HPGDS: variants seen among roughly 807,000 people sequenced by gnomAD.
HPGDS encodes GST class-sigma.
In HPGDS, 26 loss-of-function variants were observed where a neutral mutation model predicts 23.1. That is an observed-to-expected ratio of 1.13 (90% CI 0.83 to 1.56). The LOEUF (loss-of-function observed/expected upper bound fraction) is 1.56, where lower values mean the gene tolerates loss of function less well. Among genes scored for constraint, HPGDS ranks in the 40% most tolerant of loss-of-function variants. The pLI is 0.00. For missense variants in HPGDS, 268 were observed against 236.4 expected, an observed-to-expected ratio of 1.13 and a Z score of -0.88; for synonymous variants, 95 against 77.9, an observed-to-expected ratio of 1.22 and a Z score of -1.16.
chr4:94,324,804 G>A (rs181428066), intron 2 of HPGDS, among the ~76,000 whole-genome samples: 77 of 152,232 alleles, frequency 5.1e-4, no homozygotes, highest in South Asian at 2.7e-3. Context: ...TCCATTGCTC[G>A]CAAGGAGCTG....
intron 2 of HPGDS, among the ~76,000 whole-genome samples, chr4:94,333,691 T>C (rs541558935): frequency 4.6e-5 from 7 of 152,238 alleles, no homozygotes; most frequent in Non-Finnish European, 1.0e-4. Flanking sequence ...ATTCCATTTT[T>C]AGTAACAATG....
At chr4:94,336,348 G>A (rs2126046338) in intron 1 of HPGDS, among the ~76,000 whole-genome samples, 1 of 152,254 alleles carries the variant, frequency 6.6e-6, no homozygotes. Context: ...GAAATAACTG[G>A]TTGCCTATCT....
chr4:94,312,591 G>A (rs568423649), intron 3 of HPGDS, among the ~76,000 whole-genome samples: 2 of 152,314 alleles, frequency 1.3e-5, no homozygotes, highest in South Asian at 4.1e-4. Flanking sequence ...AGTGTGGTGT[G>A]GTGCTGAGAA....
intron 1 of HPGDS, among the ~76,000 whole-genome samples, chr4:94,334,922 C>A (rs868214588): frequency 2.6e-5 from 4 of 152,044 alleles, no homozygotes; most frequent in South Asian, 2.1e-4. Context: ...GTAACTACAC[C>A]CCAACCTTCA....
chr4:94,302,249 GAGA>G lies in HPGDS; in HGVS notation c.337-8_337-6del, dbSNP rs1184625215. On this transcript the variant is annotated splice_polypyrimidine_tract_variant and splice_region_variant and intron_variant, in intron 4 of 5. Coordinates refer to ENST00000295256, the MANE Select transcript of HPGDS (RefSeq NM_014485.3). ...CAGCTCATTGAACATCTGCTCCTAG[GAGA>G]AGGAGAAAATATCACTTTAAGAATA... is the stretch of plus-strand genomic sequence containing the variant. The G allele has an allele frequency of 6.3e-7, 1 of 1,592,578 alleles. No homozygotes were observed. The highest frequency in any genetic ancestry group is 1.1e-5 in the South Asian group (1 of 89,426).
At chr4:94,332,872 C>T (rs1488171860) in intron 2 of HPGDS, among the ~76,000 whole-genome samples, 1 of 152,164 alleles carries the variant, frequency 6.6e-6, no homozygotes, top group South Asian at 2.1e-4. Context: ...ATGCTTTGGC[C>T]TGCTTTTTAG....
Position 94,317,941 on chromosome 4 carries a change from A to C in HPGDS, c.158T>G (p.Ile53Ser). 1 of 1,611,284 alleles carries C rather than the reference A, an allele frequency of 6.2e-7. No individual in the cohort carries two copies. Among genetic ancestry groups the C allele is most frequent in the South Asian group, 1.1e-5 (1 of 90,422 alleles). ...AAGAGTAAGTCCATCAACTTCCAAA[A>C]TGGGGATTTTTCCAAATGGGAGAGC... The part of the protein sequence containing the change: ...KSTLPFGKIP[I>S]LEVDGLTLHQ... Residue 53 changes from isoleucine to serine, a missense_variant, in exon 3 of 6, where the codon ATT (isoleucine) becomes AGT (serine). By Grantham distance (142) the Ile-to-Ser change is moderately radical. Transcript: ENST00000295256.
intron 2 of HPGDS, among the ~76,000 whole-genome samples, chr4:94,324,804 G>T (rs181428066): frequency 1.3e-4 from 20 of 152,232 alleles, no homozygotes; most frequent in Non-Finnish European, 2.5e-4. Context: ...TCCATTGCTC[G>T]CAAGGAGCTG....
chr4:94,299,769 T>C (rs1431777179), intron 5 of HPGDS, 125 bp from the exon 6 acceptor site: 1 of 887,958 alleles, frequency 1.1e-6, no homozygotes, highest in African/African-American at 1.7e-5. Context: ...AAAAGCAGAA[T>C]GTTTATATGA....
chr4:94,329,410 T>C (rs6851841), intron 2 of HPGDS, among the ~76,000 whole-genome samples: 1,738 of 152,308 alleles, frequency 0.011, 35 homozygotes, highest in African/African-American at 0.04. Context: ...GCTCAGAGAA[T>C]AGTCTCCAAA....
intron 2 of HPGDS, among the ~76,000 whole-genome samples, chr4:94,319,108 T>C (rs1281155642): frequency 6.6e-6 from 1 of 152,208 alleles, no homozygotes; most frequent in Non-Finnish European, 1.5e-5. Context: ...GGCTAGATTA[T>C]CTGTCCAGTG....
At chr4:94,321,600 T>C (rs1279191645) in intron 2 of HPGDS, among the ~76,000 whole-genome samples, 1 of 152,234 alleles carries the variant, frequency 6.6e-6, no homozygotes, top group East Asian at 1.9e-4. Flanking sequence ...TTGTGATTTT[T>C]GTACATTGAT....
chr4:94,324,184 C>T (rs1343771752), intron 2 of HPGDS, among the ~76,000 whole-genome samples: 3 of 152,122 alleles, frequency 2.0e-5, no homozygotes, highest in Non-Finnish European at 4.4e-5. Flanking sequence ...TCTCTGGTTG[C>T]CCTTAACATT....
intron 2 of HPGDS, among the ~76,000 whole-genome samples, chr4:94,320,738 TTTTAC>T (rs1292629355): frequency 6.6e-6 from 1 of 152,224 alleles, no homozygotes; most frequent in African/African-American, 2.4e-5. Context: ...TGGTAGTTTC[TTTTAC>T]TGTGCAGAAG....
chr4:94,312,622 T>G (rs1756298728), intron 3 of HPGDS, among the ~76,000 whole-genome samples: 1 of 152,188 alleles, frequency 6.6e-6, no homozygotes, highest in African/African-American at 2.4e-5. Flanking sequence ...TCTGTTGATT[T>G]GGGGTGGAGA....
At chr4:94,342,147 T>G (rs2126048457) in intron 1 of HPGDS, among the ~76,000 whole-genome samples, 1 of 152,248 alleles carries the variant, frequency 6.6e-6, no homozygotes, top group African/African-American at 2.4e-5. Flanking sequence ...CTATTTTTTT[T>G]TTTTTTATCA....
At chr4:94,318,006 C>T (rs774936977) in intron 2 of HPGDS, 41 bp from the exon 3 acceptor site, 5 of 1,168,264 alleles carry the variant, frequency 4.3e-6, no homozygotes, top group South Asian at 3.9e-5. Context: ...CATAACAAAA[C>T]CAGAAGTTAT....
chr4:94,322,666 A>C (rs1221714861), intron 2 of HPGDS, among the ~76,000 whole-genome samples: 2 of 151,844 alleles, frequency 1.3e-5, no homozygotes, highest in South Asian at 2.1e-4. Flanking sequence ...CTTCTTTATT[A>C]GTCTTGCTAG....
At chr4:94,315,228 C>T (rs367696954) in intron 3 of HPGDS, among the ~76,000 whole-genome samples, 11 of 152,168 alleles carry the variant, frequency 7.2e-5, no homozygotes, top group Non-Finnish European at 5.9e-5. Flanking sequence ...TCTTCTGCAT[C>T]GCTCACGCTT....
Sources: allele counts gnomAD v4.1 joint callset (sites outside exome capture counted in the v4.1 genomes callset), GRCh38; gene constraint gnomAD v4.1.1; transcripts MANE v1.5; gene names NCBI Gene and HGNC (gene_info 2026-07-23, HGNC 2026-07-21).